TEX15: variants seen among roughly 807,000 people sequenced by gnomAD.
TEX15 encodes testis expressed 15, meiosis and synapsis associated.
A neutral mutation model predicts 237.3 loss-of-function variants in TEX15; 171 were observed. The observed-to-expected ratio is 0.72, with a 90% CI of 0.64 to 0.82. The LOEUF (loss-of-function observed/expected upper bound fraction) is 0.82. Among genes scored for constraint, TEX15 ranks in the 40% least tolerant of loss-of-function variants. The pLI is 0.00. For missense variants in TEX15, 3,750 were observed against 3,646.5 expected (o/e 1.03, Z -0.73); for synonymous variants, 1,338 against 1,269.8 (o/e 1.05, Z -1.14).
intron 10 of TEX15, 115 bp from the exon 11 acceptor site, chr8:30,833,438 T>TAATA: frequency 2.7e-6 from 2 of 753,700 alleles, no homozygotes; most frequent in Non-Finnish European, 4.1e-6. Context: ...AAGTGCTTAT[T>TAATA]TGCCCTTAAG....
chr8:30,869,513 G>T (rs368731269), intron 4 of TEX15, among the ~76,000 whole-genome samples: 2 of 151,940 alleles, frequency 1.3e-5, no homozygotes, highest in African/African-American at 2.4e-5. Flanking sequence ...AATTTCCACC[G>T]TGTGTTTTAT....
In TEX15 at chr8:30,887,240, G is replaced by A. The variant is rs561493177; in HGVS notation, c.63C>T (p.Pro21=). Residue 21 remains proline, a synonymous_variant, in exon 3 of 11, where the codon CCC becomes CCT. Transcript: ENST00000643185. The part of the protein sequence containing the change: ...TLWQMSSTSK[P]VLNTREVNPL... ...GATTGACTTCACGAGTATTCAACAC[G>A]GGTTTGCTAGTTGAGCTCATTTGCC... is the stretch of plus-strand genomic sequence containing the variant. The A allele has an allele frequency of 1.3e-4, 195 of 1,535,850 alleles. No homozygotes were observed. The East Asian group carries it at 4.1e-3, about 33-fold the overall frequency.
chr8:30,866,112 ACACT>A (rs1462610375), intron 5 of TEX15, among the ~76,000 whole-genome samples: 1 of 152,144 alleles, frequency 6.6e-6, no homozygotes, highest in Non-Finnish European at 1.5e-5. Flanking sequence ...AAATCAACAA[ACACT>A]CATCAGTAGT....
In TEX15 at chr8:30,848,707, C is replaced by T. The variant is rs778699159; in HGVS notation, c.1460G>A (p.Cys487Tyr). The change falls in exon 8 of 11, where the codon TGT becomes TAT. Residue 487 changes from cysteine to tyrosine, a missense_variant. Cys to Tyr is a radical substitution (Grantham distance 194). Transcript: ENST00000643185. ...ATCCAAACCATTAGTAAGAACAGCA[C>T]AATCACCAGGGACAACTTCTGAGGA... ...ASSSEVVPGD[C>Y]AVLTNGLDTP... 45 of 1,614,054 alleles carry T rather than the reference C, an allele frequency of 2.8e-5. No homozygotes were observed. Among genetic ancestry groups the T allele is most frequent in the Non-Finnish European group, 3.7e-5 (44 of 1,180,026 alleles).
chr8:30,903,189 T>C (rs937940771), intron 1 of TEX15, among the ~76,000 whole-genome samples: 29 of 152,190 alleles, frequency 1.9e-4, no homozygotes, highest in African/African-American at 6.8e-4. Context: ...TCTCTAAAAA[T>C]TTGGGGCAGG....
At chr8:30,880,744 T>C (rs1808502167) in intron 3 of TEX15, among the ~76,000 whole-genome samples, 1 of 148,684 alleles carries the variant, frequency 6.7e-6, no homozygotes, top group African/African-American at 2.5e-5. Flanking sequence ...TGTTAAAAGT[T>C]AAGTTCTGGG....
intron 7 of TEX15, among the ~76,000 whole-genome samples, chr8:30,854,698 G>A (rs1228093174): frequency 4.6e-5 from 7 of 151,622 alleles, no homozygotes; most frequent in East Asian, 1.9e-4. Context: ...ACAAAAAATC[G>A]ACAGACCAGT....
intron 3 of TEX15, chr8:30,886,890 C>A: frequency 3.9e-6 from 1 of 254,914 alleles, no homozygotes. Context: ...CTGAGTCTCA[C>A]ATTCCCTAGT....
chr8:30,837,069 G>A lies in TEX15; in HGVS notation c.9215C>T (p.Ser3072Phe). The A allele has an allele frequency of 1.2e-6, 2 of 1,614,198 alleles. No individual in the cohort carries two copies. Among genetic ancestry groups the A allele is most frequent in the African/African-American group, 1.3e-5 (1 of 75,058 alleles). The change falls in exon 10 of 11, where the codon TCT becomes TTT. Residue 3072 changes from serine (S) to phenylalanine (F), a missense_variant. Ser to Phe is a radical substitution (Grantham distance 155). Coordinates refer to ENST00000643185, the MANE Select transcript of TEX15 (RefSeq NM_001350162.2). ...AACTGTGGTCAACAGCCCAGAAGGA[G>A]ATGGCTGTACTTCATATGATGTTAT... ...QGITSYEVQP[S>F]PSGLLTTVAS... is the part of the protein sequence containing the mutation.
intron 8 of TEX15, 103 bp downstream of exon 8, chr8:30,841,901 A>T: frequency 1.4e-6 from 1 of 723,502 alleles, no homozygotes; most frequent in Non-Finnish European, 2.2e-6. Context: ...CAGACAATTT[A>T]CCATTCTTAA....
At chr8:30,907,017 G>A (rs1488029025) in intron 1 of TEX15, among the ~76,000 whole-genome samples, 1 of 152,070 alleles carries the variant, frequency 6.6e-6, no homozygotes, top group Non-Finnish European at 1.5e-5. Context: ...ATACCATACA[G>A]ATGTAAAGGT....
intron 2 of TEX15, among the ~76,000 whole-genome samples, chr8:30,895,706 G>A (rs1334953397): frequency 3.2e-5 from 2 of 61,978 alleles, no homozygotes; most frequent in African/African-American, 2.1e-4. Context: ...TTTTTGAGCA[G>A]AGTCTCACTG....
In TEX15 at chr8:30,856,605, C is replaced by T. The variant is rs1585291829; in HGVS notation, c.850+2063G>A. Among the ~76,000 whole-genome samples the T allele has an allele frequency of 3.3e-5, 5 of 152,140 alleles. No individual in the cohort carries two copies. In the South Asian group the frequency reaches 1.0e-3, roughly 32 times the overall value. ...AATTTTAAAACTGTGGTGATGATTG[C>T]ACATATTTGTGAATATGCTAAAAGC... On this transcript the variant is annotated intron_variant, in intron 7 of 10. Coordinates refer to ENST00000643185, the MANE Select transcript of TEX15 (RefSeq NM_001350162.2).
chr8:30,886,391 G>A (rs978390063), intron 3 of TEX15, among the ~76,000 whole-genome samples: 4 of 152,280 alleles, frequency 2.6e-5, no homozygotes, highest in South Asian at 4.2e-4. Flanking sequence ...AACACTGTAG[G>A]AGGCCTTGTT....
At chr8:30,862,086 A>G (rs933350037) in intron 5 of TEX15, among the ~76,000 whole-genome samples, 52 of 152,290 alleles carry the variant, frequency 3.4e-4, no homozygotes, top group African/African-American at 1.0e-3. Flanking sequence ...AATCTTTCTC[A>G]GGACAGTTGA....
rs1016550196 is a variant in TEX15 at position 30,831,609 on chromosome 8, A to G, written c.*1677T>C. The G allele has an allele frequency of 1.3e-5, 2 of 152,240 alleles. No homozygotes were observed. The highest frequency in any genetic ancestry group is 2.9e-5 in the Non-Finnish European group (2 of 68,036). The allele number at this position is 152,240 out of a possible 1,614,324, so 9.4% of individuals were successfully genotyped here. ...ACAGATTTTTTAAAAATGTAACTGA[A>G]TATTTAGGTAAGTCTTTAAGAGAAA... is the stretch of plus-strand genomic sequence containing the variant. On this transcript the variant is annotated 3_prime_UTR_variant, in exon 11 of 11. Coordinates refer to ENST00000643185, the MANE Select transcript of TEX15 (RefSeq NM_001350162.2).
rs1351772557 is a variant in TEX15 at position 30,839,929 on chromosome 8, TTC to T, written c.8197_8198del (p.Glu2733LysfsTer26). 1.9e-6 allele frequency: 3 copies of T among 1,601,870 alleles called. No homozygotes were observed. Among genetic ancestry groups the T allele is most frequent in the Non-Finnish European group, 2.6e-6 (3 of 1,174,300 alleles). ...ACCTTGGATGCTTGAATGTTGCCTTTTCTCTGTTGATTTTTGTGACATCTTTC... is the reference window on the plus strand; with the variant it reads ...ACCTTGGATGCTTGAATGTTGCCTTTTCTGTTGATTTTTGTGACATCTTTC... ...DMKDVTKINR[E>X]KATFKHPRTT... On this transcript the variant is annotated frameshift_variant, in exon 9 of 11. Coordinates refer to ENST00000643185, the MANE Select transcript of TEX15 (RefSeq NM_001350162.2). LOFTEE classifies it high-confidence loss of function.
rs185841653 is a variant in TEX15 at position 30,833,625 on chromosome 8, C to T, written c.9482-302G>A. On this transcript the variant is annotated intron_variant, in intron 10 of 10. Coordinates refer to ENST00000643185, the MANE Select transcript of TEX15 (RefSeq NM_001350162.2). ...CTCACTCAAGCACTGTCCTTTAGTTCCATTTTCTGGTGTTGAATACAAGCA... is the reference window on the plus strand; with the variant it reads ...CTCACTCAAGCACTGTCCTTTAGTTTCATTTTCTGGTGTTGAATACAAGCA... Among the ~76,000 whole-genome samples the T allele has an allele frequency of 5.1e-3, 771 of 152,238 alleles. 6 individuals are homozygous for T. Among genetic ancestry groups the T allele is most frequent in the African/African-American group, 0.017 (726 of 41,544 alleles).
chr8:30,844,283 G>C lies in TEX15; in HGVS notation c.5884C>G (p.Pro1962Ala), dbSNP rs765566466. Residue 1962 changes from proline (P) to alanine (A), a missense_variant, in exon 8 of 11, where the codon CCT (proline) becomes GCT (alanine). By Grantham distance (27) the Pro-to-Ala change is conservative. Transcript: ENST00000643185. Reference protein sequence around the residue: ...ILGVNHTPILPAHSETCKVPT... With the variant: ...ILGVNHTPILAAHSETCKVPT... ...ACTTTACAGGTTTCAGAGTGGGCAG[G>C]TAAAATAGGCGTATGATTAACTCCT... The C allele has an allele frequency of 6.2e-7, 1 of 1,613,362 alleles. No individual in the cohort carries two copies. The highest frequency in any genetic ancestry group is 8.5e-7 in the Non-Finnish European group (1 of 1,179,508).
Sources: allele counts gnomAD v4.1 joint callset (sites outside exome capture counted in the v4.1 genomes callset), GRCh38; gene constraint gnomAD v4.1.1; transcripts MANE v1.5; gene names NCBI Gene and HGNC (gene_info 2026-07-23, HGNC 2026-07-21).